SARS1: variants seen among roughly 807,000 people sequenced by gnomAD.
SARS1 encodes the protein seryl-tRNA synthetase 1, also known as serine--tRNA ligase, cytoplasmic.
SARS1 carries 25 observed loss-of-function variants against 63.7 expected under a neutral mutation model. The observed-to-expected ratio is 0.39, with a 90% confidence interval of 0.29 to 0.55. The LOEUF (loss-of-function observed/expected upper bound fraction) is 0.55, where lower values mean the gene tolerates loss of function less well. SARS1 is among the 20% of genes least tolerant of loss of function. SARS1 has a pLI of 0.62. For missense variants in SARS1, 417 were observed against 649.7 expected, an observed-to-expected ratio of 0.64 and a Z score of 3.89; for synonymous variants, 231 against 243.5, an observed-to-expected ratio of 0.95 and a Z score of 0.48.
chr1:109,235,175 T>C lies in SARS1; in HGVS notation c.748-35T>C. ...TTATTCTAGCCAAGGTCCTCCCCAC[T>C]TCCTCTTAACTGGTATAGCTCCTTC... On this transcript the variant is annotated intron_variant, in intron 6 of 10. Coordinates refer to ENST00000234677, the MANE Select transcript of SARS1 (RefSeq NM_006513.4). This position sits in a 1 kb window ranked among gnomAD's most constrained non-coding sequence, Gnocchi z 4.7. 6.5e-7 allele frequency: 1 copy of C among 1,545,504 alleles called. No homozygotes were observed. Among genetic ancestry groups the C allele is most frequent in the Non-Finnish European group, 8.9e-7 (1 of 1,117,746 alleles).
At chr1:109,220,501 C>T (rs909582569) in intron 1 of SARS1, among the ~76,000 whole-genome samples, 1 of 152,186 alleles carries the variant, frequency 6.6e-6, no homozygotes, top group Admixed American at 6.5e-5. Context: ...AAGTTGATGG[C>T]ATTTGGATAG....
At chr1:109,231,079 ATATATTT>A in intron 5 of SARS1, 58 bp downstream of exon 5, 2 of 976,186 alleles carry the variant, frequency 2.0e-6, no homozygotes, top group Non-Finnish European at 1.3e-6. Flanking sequence ...ATATATATAT[ATATATTT>A]TTTTTTTTTT....
intron 6 of SARS1, among the ~76,000 whole-genome samples, chr1:109,234,854 T>C (rs1655277537): frequency 6.6e-6 from 1 of 152,136 alleles, no homozygotes; most frequent in Non-Finnish European, 1.5e-5. Flanking sequence ...TAATCCCAGC[T>C]ACTCAGGAGG....
At chr1:109,220,515 A>G (rs1386735651) in intron 1 of SARS1, among the ~76,000 whole-genome samples, 1 of 152,196 alleles carries the variant, frequency 6.6e-6, no homozygotes, top group East Asian at 1.9e-4. Context: ...TGGATAGCCT[A>G]TTTTGAGAAG....
At chr1:109,224,355 T>A (rs1349405715) in intron 2 of SARS1, among the ~76,000 whole-genome samples, 1 of 152,186 alleles carries the variant, frequency 6.6e-6, no homozygotes, top group East Asian at 1.9e-4. Flanking sequence ...TATGGCAGAT[T>A]TCAGATTTGT....
In SARS1 at chr1:109,237,098, G is replaced by GA; in HGVS notation, c.1258-140dup. The GA allele has an allele frequency of 7.5e-7, 1 of 1,332,212 alleles. No individual in the cohort carries two copies. Among genetic ancestry groups the GA allele is most frequent in the East Asian group, 2.4e-5 (1 of 41,546 alleles). The allele number at this position is 1,332,212 out of a possible 1,614,324, so 82.5% of individuals were successfully genotyped here. A position where few individuals can be genotyped will look rare whatever the true frequency, so the allele number is the denominator to read the frequency against. On this transcript the variant is annotated intron_variant, in intron 9 of 10. Transcript: ENST00000234677. The surrounding 1 kb of genome is among the most constrained non-coding windows in gnomAD (Gnocchi z 4.1). ...ATAAATACCAAATAATTCAAATTTA[G>GA]AAAAAAGTTGCTAAGGGGTAGAACC...
chr1:109,216,714 C>T, intron 1 of SARS1: 1 of 588,754 alleles, frequency 1.7e-6, no homozygotes, highest in Non-Finnish European at 2.1e-6. Flanking sequence ...TCAATCTCCC[C>T]AGGCTCAGAT....
At position 109,237,040 on chromosome 1, in the gene SARS1, A is replaced by C. The variant is rs1215044975; in HGVS notation, c.1258-204A>C. On this transcript the variant is annotated intron_variant, in intron 9 of 10. Coordinates refer to ENST00000234677, the MANE Select transcript of SARS1 (RefSeq NM_006513.4). This position sits in a 1 kb window ranked among gnomAD's most constrained non-coding sequence, Gnocchi z 4.1. ...GCTACCACTTGTCACTCATCGAAAC[A>C]TGAGGGATCTTTCTGCAGTTATCTA... 1.3e-5 allele frequency: 16 copies of C among 1,240,568 alleles called. No individual in the cohort carries two copies. The East Asian group carries it at 2.6e-4, about 20-fold the overall frequency. 76.8% of individuals were successfully genotyped at this position (1,240,568 alleles called of 1,614,324 possible). A position where few individuals can be genotyped will look rare whatever the true frequency, so the allele number is the denominator to read the frequency against.
chr1:109,231,861 T>C lies in SARS1; in HGVS notation c.747+75T>C. 3.2e-6 allele frequency: 4 copies of C among 1,265,078 alleles called. No homozygotes were observed. In the South Asian group the frequency reaches 6.4e-5, roughly 20 times the overall value. 78.4% of individuals were successfully genotyped at this position (1,265,078 alleles called of 1,614,324 possible). The stretch of plus-strand genomic sequence containing the variant: ...TAACTTCAGTGATGCAGAGTGGTGC[T>C]GTCCAATAGGACTTTCTGCGATGAT... On this transcript the variant is annotated intron_variant, in intron 6 of 10. Transcript: ENST00000234677.
rs1451976255 is a variant in SARS1, at chr1:109,231,719, T to C, written c.680T>C (p.Phe227Ser). Residue 227 changes from phenylalanine (F) to serine (S), a missense_variant, in exon 6 of 11, where the codon TTT becomes TCT. By Grantham distance (155) the Phe-to-Ser change is radical (BLOSUM62 -2). This residue lies in a region of SARS1 where 359 missense variants were observed against 529.6 expected (regional missense o/e 0.68). Coordinates refer to ENST00000234677, the MANE Select transcript of SARS1 (RefSeq NM_006513.4). ...SRGYIPIYTPFFMRKEVMQEV... is the reference protein window; with the variant it reads ...SRGYIPIYTPSFMRKEVMQEV... ...GGCTACATTCCCATTTATACCCCCT[T>C]TTTCATGAGGAAGGAGGTCATGCAG... The C allele has an allele frequency of 1.9e-6, 3 of 1,599,346 alleles. No individual in the cohort carries two copies. Among genetic ancestry groups the C allele is most frequent in the Non-Finnish European group, 2.6e-6 (3 of 1,173,702 alleles).
chr1:109,222,629 T>C (rs2101189615), intron 1 of SARS1, among the ~76,000 whole-genome samples: 1 of 152,284 alleles, frequency 6.6e-6, no homozygotes, highest in South Asian at 2.1e-4. Flanking sequence ...GTTAAAGAGG[T>C]ATCAAAGAGG....
intron 2 of SARS1, among the ~76,000 whole-genome samples, chr1:109,227,819 T>G (rs985202075): frequency 6.6e-6 from 1 of 150,746 alleles, no homozygotes; most frequent in Admixed American, 6.7e-5. Context: ...CTTGGGAGGC[T>G]GAGGCAGGAG....
rs957088455 is a variant in SARS1, at chr1:109,237,210, G to A, written c.1258-34G>A. 1.9e-6 allele frequency: 3 copies of A among 1,597,854 alleles called. No homozygotes were observed. Among genetic ancestry groups the A allele is most frequent in the Non-Finnish European group, 2.6e-6 (3 of 1,173,304 alleles). ...GTCAGTAAGACCCGATGAGAGTTGA[G>A]CCCGACTTCCCCTCTGGGACCCTGT... is the stretch of plus-strand genomic sequence containing the variant. On this transcript the variant is annotated intron_variant, in intron 9 of 10. Transcript: ENST00000234677. The surrounding 1 kb of genome is among the most constrained non-coding windows in gnomAD (Gnocchi z 4.1).
At chr1:109,228,291 A>G (rs1443821210) in intron 2 of SARS1, 61 bp from the exon 3 acceptor site, 2 of 1,272,462 alleles carry the variant, frequency 1.6e-6, no homozygotes, top group Non-Finnish European at 2.3e-6. Flanking sequence ...TGTACACTTT[A>G]TAAAACAATG....
rs1007171516 is a variant in SARS1, at chr1:109,229,696, C to T, written c.447+124C>T. 7.5e-6 allele frequency: 7 copies of T among 933,536 alleles called. No individual in the cohort carries two copies. In the African/African-American group the frequency reaches 9.9e-5, roughly 13 times the overall value. 57.8% of individuals were successfully genotyped at this position (933,536 alleles called of 1,614,324 possible). A position where few individuals can be genotyped will look rare whatever the true frequency, so the allele number is the denominator to read the frequency against. ...CAGAAGCAGGTTCTTTGTATATTCC[C>T]TCTGCCCACCAATTGAGAATTGCAG... is the stretch of plus-strand genomic sequence containing the variant. On this transcript the variant is annotated intron_variant, in intron 4 of 10. Coordinates refer to ENST00000234677, the MANE Select transcript of SARS1 (RefSeq NM_006513.4).
rs182666174 is a variant in SARS1, at chr1:109,232,885, T to C, written c.747+1099T>C. Among the ~76,000 whole-genome samples the C allele has an allele frequency of 1.1e-3, 167 of 152,346 alleles. 1 individual carries two copies. Among genetic ancestry groups the C allele is most frequent in the Admixed American group, 2.4e-3 (36 of 15,300 alleles). On this transcript the variant is annotated intron_variant, in intron 6 of 10. Transcript: ENST00000234677. ...ATGGAAACTGTTAGGTAGCTGGTGC[T>C]CTCTGAGTCCTGCAATCTCCGTCTC...
rs964032696 is a variant in SARS1 at position 109,216,702 on chromosome 1, C to CCTCAAT, written c.136+2578_136+2583dup. 3.2e-5 allele frequency: 20 copies of CCTCAAT among 627,334 alleles called. No individual in the cohort carries two copies. In the African/African-American group the frequency reaches 4.0e-4, roughly 13 times the overall value. The allele number at this position is 627,334 out of a possible 1,614,324, so 38.9% of individuals were successfully genotyped here. ...CAGGCATGATCACAGCTCACTGCAG[C>CCTCAAT]CTCAATCTCCCCAGGCTCAGATGAT... On this transcript the variant is annotated intron_variant, in intron 1 of 10. Transcript: ENST00000234677.
chr1:109,226,663 TAAA>T lies in SARS1; in HGVS notation c.208-1676_208-1674del, dbSNP rs66652692. Among the ~76,000 whole-genome samples the T allele has an allele frequency of 6.1e-4, 34 of 55,532 alleles. 1 individual carries two copies. The highest frequency in any genetic ancestry group is 8.9e-4 in the Non-Finnish European group (27 of 30,396). 36.4% of individuals were successfully genotyped at this position (55,532 alleles called of 152,430 possible). ...TGTACTCCACTATGCCTGGCTAATTTAAAAAAAAAAAAAAATATATATATATAT... is the reference window on the plus strand; with the variant it reads ...TGTACTCCACTATGCCTGGCTAATTTAAAAAAAAAAAATATATATATATAT... On this transcript the variant is annotated intron_variant, in intron 2 of 10. Coordinates refer to ENST00000234677, the MANE Select transcript of SARS1 (RefSeq NM_006513.4).
At chr1:109,216,094 G>A in intron 1 of SARS1, 1 of 985,338 alleles carries the variant, frequency 1.0e-6, no homozygotes, top group Non-Finnish European at 1.2e-6. Context: ...TGGAATTTAT[G>A]TTTTTTCCCA....
Sources: allele counts gnomAD v4.1 joint callset (sites outside exome capture counted in the v4.1 genomes callset), GRCh38; gene constraint gnomAD v4.1.1; regional missense constraint gnomAD v4.1.1; non-coding constraint Gnocchi (gnomAD v3.1); transcripts MANE v1.5; gene names NCBI Gene and HGNC (gene_info 2026-07-23, HGNC 2026-07-21).